CYBB: variants seen among roughly 807,000 people sequenced by gnomAD.
CYBB encodes the protein cytochrome b-245 beta chain.
CYBB carries 5 observed loss-of-function variants against 46.5 expected under a neutral mutation model. That is an observed-to-expected ratio of 0.11 (90% CI 0.06 to 0.23). The LOEUF is 0.23. CYBB is among the 10% of genes least tolerant of loss of function. CYBB has a pLI of 1.00. For synonymous variants in CYBB, 183 were observed against 156.7 expected (o/e 1.17, Z -1.26); for missense variants, 307 against 428.3 (o/e 0.72, Z 2.50).
At chrX:37,789,888 T>A (rs1556466474) in intron 3 of CYBB, among the ~76,000 whole-genome samples, 1 of 112,123 alleles carries the variant, frequency 8.9e-6, no homozygotes, top group East Asian at 2.8e-4. Context: ...CCATATTCCC[T>A]AAGCACTGGC....
In CYBB at chrX:37,810,875, C is replaced by T; in HGVS notation, c.1671C>T (p.Gly557=). Residue 557 remains glycine (G), a synonymous_variant, in exon 13 of 13, where the codon GGC becomes GGT. Coordinates refer to ENST00000378588, the MANE Select transcript of CYBB (RefSeq NM_000397.4). ...SKQSISNSES[G]PRGVHFIFNK... ...AAAGCATCTCCAACTCTGAGTCTGG[C>T]CCTCGGGGAGTGCATTTCATTTTCA... 8.3e-7 allele frequency: 1 copy of T among 1,207,256 alleles called. No individual in the cohort carries two copies. Among genetic ancestry groups the T allele is most frequent in the Non-Finnish European group, 1.1e-6 (1 of 891,620 alleles).
chrX:37,803,762 C>T, intron 8 of CYBB, 115 bp from the exon 9 acceptor site: 1 of 725,878 alleles, frequency 1.4e-6, no homozygotes, highest in Non-Finnish European at 2.1e-6. Flanking sequence ...CCTGTGTTGT[C>T]CCTAAAGCAG....
intron 5 of CYBB, among the ~76,000 whole-genome samples, chrX:37,795,053 A>G (rs782110151): frequency 9.1e-4 from 102 of 111,830 alleles, no homozygotes; most frequent in Non-Finnish European, 1.7e-3. Flanking sequence ...AGGTAAATCT[A>G]CACTATCATG....
chrX:37,810,736 T>A, intron 12 of CYBB, 55 bp from the exon 13 acceptor site: 1 of 1,172,577 alleles, frequency 8.5e-7, no homozygotes, highest in Non-Finnish European at 1.2e-6. Flanking sequence ...CCTACCTGCT[T>A]TGTAGACATC....
intron 7 of CYBB, 51 bp from the exon 8 acceptor site, chrX:37,801,205 T>C (rs781880651): frequency 1.1e-6 from 1 of 881,990 alleles, no homozygotes; most frequent in South Asian, 2.0e-5. Flanking sequence ...GAATATTTTG[T>C]TATCTATTAC....
intron 3 of CYBB, among the ~76,000 whole-genome samples, chrX:37,786,208 C>A (rs1177238624): frequency 9.0e-6 from 1 of 111,508 alleles, no homozygotes; most frequent in African/African-American, 3.3e-5. Flanking sequence ...CATATAGCTG[C>A]CACTCATTGA....
chrX:37,784,701 T>C (rs73632406), intron 3 of CYBB, among the ~76,000 whole-genome samples: 1 of 111,278 alleles, frequency 9.0e-6, no homozygotes, highest in Non-Finnish European at 1.9e-5. Context: ...AGGTTTTTTT[T>C]AAAAAATAAA....
chrX:37,792,436 C>T (rs1455320115), intron 4 of CYBB, among the ~76,000 whole-genome samples: 1 of 110,878 alleles, frequency 9.0e-6, no homozygotes, highest in Non-Finnish European at 1.9e-5. Flanking sequence ...CTTTTTGCAG[C>T]AAACCTACAG....
intron 1 of CYBB, among the ~76,000 whole-genome samples, chrX:37,781,318 A>C (rs1268178226): frequency 8.9e-6 from 1 of 112,796 alleles, no homozygotes; most frequent in Non-Finnish European, 1.9e-5. Flanking sequence ...GAGTAAAGAA[A>C]GAATGACAAG....
rs782096891 is a variant in CYBB at position 37,797,473 on chromosome X, C to T, written c.674+1332C>T. On this transcript the variant is annotated intron_variant, in intron 6 of 12. Transcript: ENST00000378588. ...ACTTGAAGAGAATCTGCTCTTTACACTGGTTAGGTGATTTCTCACAGTCTC... is the reference window on the plus strand; with the variant it reads ...ACTTGAAGAGAATCTGCTCTTTACATTGGTTAGGTGATTTCTCACAGTCTC... 1.6e-4 allele frequency among the ~76,000 whole-genome samples: 18 copies of T among 111,691 alleles called. No individual in the cohort carries two copies. In the South Asian group the frequency reaches 6.3e-3, roughly 39 times the overall value.
intron 7 of CYBB, among the ~76,000 whole-genome samples, chrX:37,800,157 G>A (rs782139443): frequency 1.1e-3 from 127 of 111,391 alleles, no homozygotes; most frequent in African/African-American, 3.6e-3. Flanking sequence ...ACATTTCCTC[G>A]ATGACAGCTG....
intron 11 of CYBB, among the ~76,000 whole-genome samples, chrX:37,808,038 A>C (rs1255578654): frequency 1.8e-5 from 2 of 112,601 alleles, no homozygotes; most frequent in South Asian, 3.7e-4. Flanking sequence ...AAGCAGCATA[A>C]GCTATCACCA....
chrX:37,809,732 T>C, intron 12 of CYBB, 41 bp downstream of exon 12: 1 of 1,196,483 alleles, frequency 8.4e-7, no homozygotes. Flanking sequence ...GGCTTGCATC[T>C]GCCTAAAGCG....
Position 37,799,007 on chromosome X carries a change from G to C in CYBB, c.727G>C (p.Val243Leu), listed in dbSNP as rs782132299. ...GAGTTTGGCTGTGCATAATATAACA[G>C]TTTGTGAACAAAAAATCTCAGAATG... Reference protein sequence around the residue: ...AESLAVHNITVCEQKISEWGK... With the variant: ...AESLAVHNITLCEQKISEWGK... Residue 243 changes from valine (V) to leucine (L), a missense_variant, in exon 7 of 13, where the codon GTT (valine) becomes CTT (leucine). Val to Leu is a conservative substitution (Grantham distance 32). This residue lies in a region of CYBB where 82 missense variants were observed against 69.9 expected (regional missense o/e 1.17). Coordinates refer to ENST00000378588, the MANE Select transcript of CYBB (RefSeq NM_000397.4). The C allele has an allele frequency of 4.1e-6, 5 of 1,206,425 alleles. No homozygotes were observed. The Admixed American group carries it at 8.8e-5, about 21-fold the overall frequency.
In CYBB at chrX:37,809,649, A is replaced by G. The variant is rs782209880; in HGVS notation, c.1544A>G (p.Asn515Ser). The G allele has an allele frequency of 5.0e-6, 6 of 1,208,854 alleles. No individual in the cohort carries two copies. In the South Asian group the frequency reaches 7.1e-5, roughly 14 times the overall value. The change falls in exon 12 of 13, where the codon AAC becomes AGC. Residue 515 changes from asparagine to serine, a missense_variant. By Grantham distance (46) the Asn-to-Ser change is conservative. This residue lies in a region of CYBB where 122 missense variants were observed against 208.3 expected (regional missense o/e 0.59). Transcript: ENST00000378588. The part of the protein sequence containing the change: ...LKQKTLYGRP[N>S]WDNEFKTIAS... ...CAAAAGACTTTGTATGGACGGCCCA[A>G]CTGGGATAATGAATTCAAGACAATT...
At chrX:37,806,220 G>T (rs190254064) in intron 10 of CYBB, among the ~76,000 whole-genome samples, 167 bp from the exon 11 acceptor site, 1 of 112,037 alleles carries the variant, frequency 8.9e-6, no homozygotes, top group East Asian at 2.8e-4. Context: ...GCCAGAGCAG[G>T]TTCATGTAAA....
chrX:37,793,409 C>T (rs1259352420), intron 4 of CYBB, among the ~76,000 whole-genome samples: 1 of 110,357 alleles, frequency 9.1e-6, no homozygotes, highest in Non-Finnish European at 1.9e-5. Flanking sequence ...TCAACATCTT[C>T]ATCTTACAAA....
In CYBB at chrX:37,799,048, A is replaced by C; in HGVS notation, c.768A>C (p.Glu256Asp). The C allele has an allele frequency of 2.5e-6, 3 of 1,208,745 alleles. No homozygotes were observed. Among genetic ancestry groups the C allele is most frequent in the Non-Finnish European group, 3.4e-6 (3 of 892,898 alleles). Residue 256 changes from glutamate to aspartate, a missense_variant, in exon 7 of 13, where the codon GAA becomes GAC. Coordinates refer to ENST00000378588, the MANE Select transcript of CYBB (RefSeq NM_000397.4). The stretch of plus-strand genomic sequence containing the variant: ...TCTCAGAATGGGGAAAAATAAAGGA[A>C]TGCCCAATCCCTCAGTTTGCTGGAA... ...QKISEWGKIKECPIPQFAGNP... is the reference protein window; with the variant it reads ...QKISEWGKIKDCPIPQFAGNP...
At chrX:37,787,222 G>T (rs1929090058) in intron 3 of CYBB, among the ~76,000 whole-genome samples, 1 of 111,863 alleles carries the variant, frequency 8.9e-6, no homozygotes, top group Non-Finnish European at 1.9e-5. Context: ...CTGCCAGCAG[G>T]TGTGGATATT....
Sources: gnomAD v4.1 joint callset for allele counts (sites outside exome capture counted in the v4.1 genomes callset) on GRCh38, gnomAD v4.1.1 for gene constraint, gnomAD v4.1.1 regional missense constraint, MANE v1.5 for transcripts, NCBI Gene and HGNC (gene_info 2026-07-23, HGNC 2026-07-21) for gene names.